The following CTNNA3 variants were observed in gnomAD, a reference collection of about 807,000 sequenced individuals.
CTNNA3 encodes the protein catenin alpha 3.
In CTNNA3, 76 loss-of-function variants were observed where a neutral mutation model predicts 95.7. That is an observed-to-expected ratio of 0.79 (90% CI 0.66 to 0.96). The LOEUF (loss-of-function observed/expected upper bound fraction) is 0.96. CTNNA3 is among the 40% of genes least tolerant of loss of function. The pLI is 0.00. For synonymous variants in CTNNA3, 431 were observed against 374.4 expected, an observed-to-expected ratio of 1.15 and a Z score of -1.74; for missense variants, 1,191 against 1,089.8, an observed-to-expected ratio of 1.09 and a Z score of -1.31.
intron 1 of CTNNA3, among the ~76,000 whole-genome samples, chr10:67,731,888 G>A (rs1256039680): frequency 1.3e-4 from 20 of 150,726 alleles, no homozygotes; most frequent in Admixed American, 1.3e-3. Flanking sequence ...TTCTTTTTTA[G>A]TAGCTGGGAT....
At chr10:66,326,069 G>T (rs962318109) in intron 12 of CTNNA3, among the ~76,000 whole-genome samples, 3 of 152,078 alleles carry the variant, frequency 2.0e-5, no homozygotes, top group Non-Finnish European at 4.4e-5. Context: ...TTTGTAAAAT[G>T]AACAAGCTCA....
intron 5 of CTNNA3, among the ~76,000 whole-genome samples, chr10:67,256,623 A>T (rs1366236895): frequency 6.6e-6 from 1 of 152,160 alleles, no homozygotes; most frequent in Non-Finnish European, 1.5e-5. Flanking sequence ...AGATGGGATG[A>T]TCTAGATTTT....
intron 9 of CTNNA3, among the ~76,000 whole-genome samples, chr10:66,701,513 T>G (rs1847942473): frequency 6.6e-6 from 1 of 152,186 alleles, no homozygotes; most frequent in Non-Finnish European, 1.5e-5. Flanking sequence ...CTGCATTTAT[T>G]TAGGTCTTCC....
chr10:67,557,471 T>A (rs949374594), intron 3 of CTNNA3, among the ~76,000 whole-genome samples: 1 of 152,228 alleles, frequency 6.6e-6, no homozygotes, highest in Non-Finnish European at 1.5e-5. Context: ...CCTATATTGA[T>A]CCATCTACAG....
At chr10:65,975,244 C>G (rs2078188384) in intron 16 of CTNNA3, among the ~76,000 whole-genome samples, 1 of 152,090 alleles carries the variant, frequency 6.6e-6, no homozygotes, top group Admixed American at 6.6e-5. Context: ...CAGACAGAGA[C>G]ACAATCAGAC....
At chr10:66,291,972 T>C (rs1010960069) in intron 12 of CTNNA3, among the ~76,000 whole-genome samples, 12 of 151,358 alleles carry the variant, frequency 7.9e-5, no homozygotes, top group African/African-American at 2.9e-4. Context: ...TATATTATAA[T>C]ATACCTCAAT....
intron 12 of CTNNA3, among the ~76,000 whole-genome samples, chr10:66,317,234 G>A (rs1368246315): frequency 4.6e-5 from 7 of 152,082 alleles, no homozygotes; most frequent in Admixed American, 1.3e-4. Flanking sequence ...ATACTTCTTC[G>A]TTCAGTATCT....
chr10:66,378,141 T>G (rs1214619054), intron 12 of CTNNA3, among the ~76,000 whole-genome samples: 1 of 152,190 alleles, frequency 6.6e-6, no homozygotes, highest in Admixed American at 6.5e-5. Flanking sequence ...CTAGTGAATA[T>G]TATTCAACTG....
intron 11 of CTNNA3, among the ~76,000 whole-genome samples, chr10:66,399,171 A>G (rs1003497615): frequency 1.3e-5 from 2 of 151,566 alleles, no homozygotes; most frequent in Non-Finnish European, 2.9e-5. Flanking sequence ...ACAATTTCAA[A>G]TGTTGACATA....
Position 66,570,258 on chromosome 10 carries a change from T to C in CTNNA3, c.1375-49485A>G, listed in dbSNP as rs368151401. Among the ~76,000 whole-genome samples, 273 of 152,170 alleles carry C rather than the reference T, an allele frequency of 1.8e-3. 2 individuals are homozygous for C. The South Asian group carries it at 0.029, about 16-fold the overall frequency. On this transcript the variant is annotated intron_variant, in intron 10 of 17. Coordinates refer to ENST00000433211, the MANE Select transcript of CTNNA3 (RefSeq NM_013266.4). ...AGGCAATAGATGCTAGTTTTCCTTA[T>C]ACCTTTCAAAAATATGATTTGTTTT...
At chr10:67,642,350 A>C (rs1196826080) in intron 2 of CTNNA3, among the ~76,000 whole-genome samples, 1 of 152,120 alleles carries the variant, frequency 6.6e-6, no homozygotes, top group Admixed American at 6.5e-5. Context: ...GAAAAAAAAA[A>C]CATTAAAAAG....
intron 7 of CTNNA3, among the ~76,000 whole-genome samples, chr10:66,814,261 G>T (rs1185854472): frequency 1.9e-5 from 1 of 52,058 alleles, no homozygotes; most frequent in African/African-American, 1.4e-4. Context: ...AAGTAAAGGA[G>T]GAAAGAAAAA....
intron 14 of CTNNA3, among the ~76,000 whole-genome samples, chr10:66,101,946 T>C (rs1427234057): frequency 6.6e-6 from 1 of 152,120 alleles, no homozygotes; most frequent in East Asian, 1.9e-4. Flanking sequence ...TAGATTACAA[T>C]AGAATATCAA....
intron 9 of CTNNA3, among the ~76,000 whole-genome samples, chr10:66,623,724 T>C (rs1844833309): frequency 2.0e-5 from 3 of 152,142 alleles, no homozygotes; most frequent in Non-Finnish European, 4.4e-5. Flanking sequence ...ATAGAGTATA[T>C]TTCAAGTCAT....
intron 10 of CTNNA3, among the ~76,000 whole-genome samples, chr10:66,538,014 C>G (rs1211292164): frequency 6.6e-6 from 1 of 152,118 alleles, no homozygotes; most frequent in Admixed American, 6.5e-5. Flanking sequence ...GGCATAACTT[C>G]CCTATCATGA....
intron 5 of CTNNA3, among the ~76,000 whole-genome samples, chr10:67,256,551 C>G (rs1042311899): frequency 6.6e-6 from 1 of 152,184 alleles, no homozygotes; most frequent in East Asian, 1.9e-4. Flanking sequence ...AAAGATTACC[C>G]AATAAAAATG....
At chr10:66,220,591 CTTGTTCAGCATCCAAG>C (rs1217481251) in intron 13 of CTNNA3, among the ~76,000 whole-genome samples, 1 of 152,186 alleles carries the variant, frequency 6.6e-6, no homozygotes, top group Non-Finnish European at 1.5e-5. Flanking sequence ...ATTTCGAGCT[CTTGTTCAGCATCCAAG>C]AAGAATCAGG....
intron 7 of CTNNA3, among the ~76,000 whole-genome samples, chr10:66,790,834 G>A (rs2132877833): frequency 6.6e-6 from 1 of 152,156 alleles, no homozygotes; most frequent in East Asian, 1.9e-4. Context: ...CCAAAACGTG[G>A]ATCCCCTCAC....
At chr10:67,703,214 C>T (rs1426889874) in intron 1 of CTNNA3, among the ~76,000 whole-genome samples, 1 of 152,160 alleles carries the variant, frequency 6.6e-6, no homozygotes. Context: ...GGAGCTGGTA[C>T]CATTCCTTCT....
Sources: gnomAD v4.1 joint callset for allele counts (sites outside exome capture counted in the v4.1 genomes callset) on GRCh38, gnomAD v4.1.1 for gene constraint, MANE v1.5 for transcripts, NCBI Gene and HGNC (gene_info 2026-07-23, HGNC 2026-07-21) for gene names.